The following GRM8 variants were observed in gnomAD, a reference collection of about 807,000 sequenced individuals.
GRM8 encodes metabotropic glutamate receptor 8.
Under a neutral mutation model 87.2 loss-of-function variants are expected in GRM8, and 47 were observed. That is an observed-to-expected ratio of 0.54 (90% CI 0.43 to 0.69). The LOEUF is 0.69. Among genes scored for constraint, GRM8 ranks in the 30% least tolerant of loss-of-function variants. The pLI is 0.00. For missense variants in GRM8, 1,019 were observed against 1,139.2 expected, an observed-to-expected ratio of 0.89 and a Z score of 1.52; for synonymous variants, 396 against 404.5, an observed-to-expected ratio of 0.98 and a Z score of 0.25.
chr7:126,775,502 T>G (rs1308254209), intron 6 of GRM8, among the ~76,000 whole-genome samples: 1 of 115,588 alleles, frequency 8.7e-6, no homozygotes. Context: ...TTTTTTTTTT[T>G]TTTTTTACTA....
At chr7:126,665,531 A>G (rs1393776289) in intron 7 of GRM8, among the ~76,000 whole-genome samples, 2 of 152,124 alleles carry the variant, frequency 1.3e-5, no homozygotes, top group Admixed American at 1.3e-4. Flanking sequence ...GTTCTCACTC[A>G]TAAGTGAGAA....
intron 3 of GRM8, among the ~76,000 whole-genome samples, chr7:127,005,283 A>G (rs1423032981): frequency 1.3e-5 from 2 of 151,568 alleles, no homozygotes; most frequent in African/African-American, 4.8e-5. Flanking sequence ...TGTTGTTCCC[A>G]TTTAAACAAC....
At chr7:126,911,387 G>A (rs1563309168) in intron 3 of GRM8, among the ~76,000 whole-genome samples, 2 of 151,694 alleles carry the variant, frequency 1.3e-5, no homozygotes, top group South Asian at 2.1e-4. Context: ...GATTCCATAA[G>A]TAGTAAAGAT....
chr7:127,251,195 T>A (rs1025171688), intron 1 of GRM8: 1 of 152,236 alleles, frequency 6.6e-6, no homozygotes, highest in Non-Finnish European at 1.5e-5. Context: ...AGACACTCTC[T>A]GACACCAGGC....
rs550579362 is a variant in GRM8, at chr7:126,541,276, G to C, written c.1495-7389C>G. ...GTTGCACAGGAGACAAGGCACAGAAGAGGAGCTCAACAGCACATCAGGCAA... is the reference window on the plus strand; with the variant it reads ...GTTGCACAGGAGACAAGGCACAGAACAGGAGCTCAACAGCACATCAGGCAA... On this transcript the variant is annotated intron_variant, in intron 8 of 10. Coordinates refer to ENST00000339582, the MANE Select transcript of GRM8 (RefSeq NM_000845.3). Among the ~76,000 whole-genome samples the C allele has an allele frequency of 7.9e-5, 12 of 152,294 alleles. 1 individual carries two copies. In the South Asian group the frequency reaches 2.5e-3, roughly 32 times the overall value.
chr7:126,900,076 C>A (rs539207216), intron 6 of GRM8, among the ~76,000 whole-genome samples: 1 of 152,236 alleles, frequency 6.6e-6, no homozygotes, highest in East Asian at 1.9e-4. Context: ...TCAGTCATCA[C>A]TCCTCATCTT....
intron 8 of GRM8, among the ~76,000 whole-genome samples, chr7:126,574,634 C>CT (rs1325467836): frequency 6.6e-6 from 1 of 152,118 alleles, no homozygotes; most frequent in East Asian, 1.9e-4. Flanking sequence ...CTTCACTTTG[C>CT]TTTTTTTCTA....
intron 7 of GRM8, among the ~76,000 whole-genome samples, chr7:126,745,394 A>AT (rs1034547001): frequency 2.0e-5 from 3 of 149,596 alleles, no homozygotes; most frequent in African/African-American, 7.3e-5. Flanking sequence ...ACATAGTCAT[A>AT]TATTATATTA....
chr7:126,827,299 C>T (rs1170054114), intron 6 of GRM8, among the ~76,000 whole-genome samples: 1 of 152,112 alleles, frequency 6.6e-6, no homozygotes, highest in East Asian at 1.9e-4. Context: ...CTGTAAATTA[C>T]CTTGGGCAGT....
intron 2 of GRM8, among the ~76,000 whole-genome samples, chr7:127,182,572 T>C (rs1158092685): frequency 6.6e-6 from 1 of 150,940 alleles, no homozygotes; most frequent in East Asian, 1.9e-4. Context: ...CAATCCACAA[T>C]AGCGAAATTG....
intron 6 of GRM8, among the ~76,000 whole-genome samples, chr7:126,851,982 T>A (rs1192594776): frequency 6.6e-6 from 1 of 152,176 alleles, no homozygotes; most frequent in Non-Finnish European, 1.5e-5. Flanking sequence ...TGTATTGCCA[T>A]GCCAGAGAGA....
At chr7:126,473,157 G>A (rs933601269) in intron 9 of GRM8, among the ~76,000 whole-genome samples, 1 of 152,136 alleles carries the variant, frequency 6.6e-6, no homozygotes, top group Non-Finnish European at 1.5e-5. Flanking sequence ...CTGTCCTCCA[G>A]ACCCCAGAAT....
intron 7 of GRM8, among the ~76,000 whole-genome samples, chr7:126,650,678 T>G (rs1443042233): frequency 1.3e-5 from 2 of 151,792 alleles, no homozygotes. Flanking sequence ...CCTCTCTGAG[T>G]GGTCAAAAAC....
chr7:126,636,413 A>C (rs1801857503), intron 7 of GRM8, among the ~76,000 whole-genome samples: 1 of 152,088 alleles, frequency 6.6e-6, no homozygotes, highest in African/African-American at 2.4e-5. Flanking sequence ...ATTTTAAATT[A>C]ACTCTAAATT....
At chr7:126,830,061 C>T (rs1795208397) in intron 6 of GRM8, among the ~76,000 whole-genome samples, 1 of 152,166 alleles carries the variant, frequency 6.6e-6, no homozygotes, top group South Asian at 2.1e-4. Flanking sequence ...AGAGTTTCTG[C>T]CGAGAGATCA....
chr7:126,742,773 G>A (rs1815162869), intron 7 of GRM8, among the ~76,000 whole-genome samples: 1 of 152,068 alleles, frequency 6.6e-6, no homozygotes. Flanking sequence ...AAGCAATCAT[G>A]TGTATACCTA....
At chr7:126,838,698 TAACA>T (rs1483695265) in intron 6 of GRM8, among the ~76,000 whole-genome samples, 1 of 152,204 alleles carries the variant, frequency 6.6e-6, no homozygotes, top group Non-Finnish European at 1.5e-5. Context: ...CTGTAGTTAC[TAACA>T]AACAAAATAA....
chr7:126,607,817 T>C (rs79641811), intron 8 of GRM8, among the ~76,000 whole-genome samples: 4 of 151,694 alleles, frequency 2.6e-5, no homozygotes, highest in Non-Finnish European at 5.9e-5. Flanking sequence ...CATCTAGCAT[T>C]AGGTATATCA....
intron 6 of GRM8, among the ~76,000 whole-genome samples, chr7:126,837,313 A>G (rs1795897526): frequency 6.6e-6 from 1 of 152,226 alleles, no homozygotes; most frequent in Admixed American, 6.5e-5. Flanking sequence ...TTATGCTACC[A>G]TGTTACATAA....
Sources: gnomAD v4.1 joint callset for allele counts (sites outside exome capture counted in the v4.1 genomes callset) on GRCh38, gnomAD v4.1.1 for gene constraint, MANE v1.5 for transcripts, NCBI Gene and HGNC (gene_info 2026-07-23, HGNC 2026-07-21) for gene names.